The following AGBL1 variants were observed in gnomAD, a reference collection of about 807,000 sequenced individuals.
AGBL1 encodes the protein AGBL carboxypeptidase 1.
In AGBL1, 130 loss-of-function variants were observed where a neutral mutation model predicts 118.9. The ratio of observed to expected loss-of-function variants is 1.09; its 90% CI spans 0.95 to 1.26. The LOEUF (loss-of-function observed/expected upper bound fraction) is 1.26, where lower values mean the gene tolerates loss of function less well. Among genes scored for constraint, AGBL1 ranks in the 50% most tolerant of loss-of-function variants. AGBL1 has a pLI of 0.00. For missense variants in AGBL1, 1,584 were observed against 1,298.1 expected (o/e 1.22, Z -3.38); for synonymous variants, 555 against 478.9 (o/e 1.16, Z -2.08).
At chr15:86,183,469 C>G (rs754562660) in intron 5 of AGBL1, among the ~76,000 whole-genome samples, 5 of 152,154 alleles carry the variant, frequency 3.3e-5, no homozygotes, top group Non-Finnish European at 5.9e-5. Context: ...AGAGAAGACT[C>G]CAGGTCTCCT....
At chr15:86,780,615 G>T (rs969485102) in intron 22 of AGBL1, among the ~76,000 whole-genome samples, 1 of 151,228 alleles carries the variant, frequency 6.6e-6, no homozygotes, top group Non-Finnish European at 1.5e-5. Context: ...TTTATTCTAT[G>T]GCTATAAAAT....
At chr15:86,779,877 T>G (rs369494733) in intron 22 of AGBL1, among the ~76,000 whole-genome samples, 25 of 152,116 alleles carry the variant, frequency 1.6e-4, no homozygotes, top group East Asian at 1.2e-3. Context: ...GTTGATTGTG[T>G]TTTTCTGATT....
intron 5 of AGBL1, among the ~76,000 whole-genome samples, chr15:86,203,151 G>C (rs997641371): frequency 6.6e-6 from 1 of 152,118 alleles, no homozygotes; most frequent in Non-Finnish European, 1.5e-5. Context: ...CACCATAAAA[G>C]TTACTGAGAT....
intron 9 of AGBL1, among the ~76,000 whole-genome samples, chr15:86,259,955 A>G (rs572315663): frequency 6.6e-6 from 1 of 152,314 alleles, no homozygotes; most frequent in East Asian, 1.9e-4. Flanking sequence ...CAGAGGATGG[A>G]GGGGTGGGGT....
intron 18 of AGBL1, among the ~76,000 whole-genome samples, chr15:86,428,568 T>C (rs1228800125): frequency 1.3e-5 from 2 of 152,342 alleles, no homozygotes; most frequent in East Asian, 3.9e-4. Flanking sequence ...GTCTTTGTTA[T>C]TTTATGAGTT....
intron 1 of AGBL1, among the ~76,000 whole-genome samples, chr15:86,137,557 G>A (rs1019061680): frequency 6.6e-6 from 1 of 152,218 alleles, no homozygotes; most frequent in Admixed American, 6.5e-5. Context: ...TCTTCATACG[G>A]CAATGTCCAA....
intron 22 of AGBL1, among the ~76,000 whole-genome samples, chr15:86,773,333 A>G (rs2078208168): frequency 6.6e-6 from 1 of 152,032 alleles, no homozygotes; most frequent in African/African-American, 2.4e-5. Context: ...GCCTCGAAGG[A>G]TATGTAGGGT....
intron 18 of AGBL1, among the ~76,000 whole-genome samples, chr15:86,466,676 T>C (rs2142094935): frequency 6.6e-6 from 1 of 152,334 alleles, no homozygotes; most frequent in South Asian, 2.1e-4. Context: ...GATGGAGTTT[T>C]TGTGTGGTCG....
At chr15:86,864,108 A>G (rs1027952985) in intron 22 of AGBL1, among the ~76,000 whole-genome samples, 1 of 152,186 alleles carries the variant, frequency 6.6e-6, no homozygotes. Flanking sequence ...ACAGAAGCCA[A>G]AACACCTCTG....
intron 23 of AGBL1, chr15:86,939,503 C>G (rs1596653601): frequency 6.6e-6 from 1 of 152,268 alleles, no homozygotes; most frequent in Non-Finnish European, 1.5e-5. Flanking sequence ...AGACTGGCTT[C>G]CTTGCTCCTC....
chr15:86,825,453 T>C (rs1292117600), intron 22 of AGBL1, among the ~76,000 whole-genome samples: 1 of 112,592 alleles, frequency 8.9e-6, no homozygotes, highest in Non-Finnish European at 1.8e-5. Flanking sequence ...GGGAAAGAAC[T>C]TTTATCAATA....
intron 23 of AGBL1, among the ~76,000 whole-genome samples, chr15:86,987,460 T>A (rs2081296717): frequency 1.3e-5 from 2 of 152,232 alleles, no homozygotes; most frequent in Admixed American, 1.3e-4. Flanking sequence ...ACAGTTTATT[T>A]CCAAATTGTA....
At chr15:86,800,980 T>G (rs1359393014) in intron 22 of AGBL1, among the ~76,000 whole-genome samples, 2 of 151,930 alleles carry the variant, frequency 1.3e-5, no homozygotes, top group Non-Finnish European at 2.9e-5. Context: ...GTTAGGAAAC[T>G]TTTTTTTAAA....
At chr15:86,503,259 C>T (rs1441844754) in intron 18 of AGBL1, among the ~76,000 whole-genome samples, 2 of 151,596 alleles carry the variant, frequency 1.3e-5, no homozygotes, top group Middle Eastern at 3.4e-3. Context: ...TATTTCTTTA[C>T]AGCCTCAGTA....
At chr15:86,212,772 C>A (rs756052807) in intron 5 of AGBL1, among the ~76,000 whole-genome samples, 3 of 152,216 alleles carry the variant, frequency 2.0e-5, no homozygotes, top group African/African-American at 4.8e-5. Context: ...GCCTCAGCCT[C>A]CCAAGTAGCT....
At chr15:86,729,579 G>C (rs1011996987) in intron 22 of AGBL1, among the ~76,000 whole-genome samples, 1 of 152,300 alleles carries the variant, frequency 6.6e-6, no homozygotes, top group Middle Eastern at 3.4e-3. Context: ...GCCTCCAGCT[G>C]TATCCATATT....
exon 24 of AGBL1, chr15:86,988,059 C>G (rs1053214943): frequency 3.7e-6 from 6 of 1,613,550 alleles, no homozygotes; most frequent in Admixed American, 1.7e-5. Context: ...CAAACTTTTT[C>G]AAGATGAACC....
At chr15:86,196,482 C>T (rs1567118650) in intron 5 of AGBL1, among the ~76,000 whole-genome samples, 1 of 152,104 alleles carries the variant, frequency 6.6e-6, no homozygotes, top group African/African-American at 2.4e-5. Context: ...TATCTTTGGA[C>T]AGAATTGGGT....
At chr15:86,771,464 A>G (rs1369074631) in intron 22 of AGBL1, among the ~76,000 whole-genome samples, 2 of 151,824 alleles carry the variant, frequency 1.3e-5, no homozygotes, top group African/African-American at 4.8e-5. Context: ...GTTTTGAATG[A>G]CTCTGGATAA....
Sources: allele counts gnomAD v4.1 joint callset (sites outside exome capture counted in the v4.1 genomes callset), GRCh38; gene constraint gnomAD v4.1.1; transcripts MANE v1.5; gene names NCBI Gene and HGNC (gene_info 2026-07-23, HGNC 2026-07-21).